Variants in L1CAM observed in about 807,000 individuals in gnomAD.
L1CAM encodes neural cell adhesion molecule L1.
L1CAM carries 8 observed loss-of-function variants against 93.0 expected under a neutral mutation model. The observed-to-expected ratio is 0.09, with a 90% CI of 0.05 to 0.16. The LOEUF (loss-of-function observed/expected upper bound fraction) is 0.16, where lower values mean the gene tolerates loss of function less well. Ranked by LOEUF, L1CAM falls within the 10% of genes least tolerant of loss-of-function variation. The pLI, the probability that L1CAM is intolerant of heterozygous loss-of-function variation, is 1.00. For missense variants in L1CAM, 777 were observed against 1,073.4 expected, an observed-to-expected ratio of 0.72 and a Z score of 3.86; for synonymous variants, 453 against 453.0, an observed-to-expected ratio of 1.00 and a Z score of 0.00.
At chrX:153,863,065 C>T (rs979064170) in intron 28 of L1CAM, among the ~76,000 whole-genome samples, 171 bp from the exon 29 acceptor site, 1 of 112,418 alleles carries the variant, frequency 8.9e-6, no homozygotes, top group Non-Finnish European at 1.9e-5. Flanking sequence ...TTGGGCATTC[C>T]CCAGATCCTG....
chrX:153,882,706 G>A (rs1031716751), intron 1 of L1CAM, among the ~76,000 whole-genome samples: 4 of 110,521 alleles, frequency 3.6e-5, no homozygotes, highest in Non-Finnish European at 7.6e-5. Context: ...CAAGTGCATG[G>A]AGCCCAGGAC....
At chrX:153,869,757 C>T (rs2064750249) in intron 10 of L1CAM, 46 bp downstream of exon 10, 2 of 1,208,298 alleles carry the variant, frequency 1.7e-6, no homozygotes, top group Non-Finnish European at 2.2e-6. Context: ...CCCCACAGCC[C>T]CCAGGGCTCG....
chrX:153,869,024 C>T lies in L1CAM; in HGVS notation c.1268-72G>A, dbSNP rs1045287452. On this transcript the variant is annotated intron_variant, in intron 11 of 28. Coordinates refer to ENST00000370060, the MANE Select transcript of L1CAM (RefSeq NM_001278116.2). ...AGCTGGGCCAGGAGCCAGGGACCCT[C>T]TGCACGGCTTCCTCGGGCCCCCAAG... 193 of 873,352 alleles carry T rather than the reference C, an allele frequency of 2.2e-4. 1 individual carries two copies. The South Asian group carries it at 3.7e-3, about 17-fold the overall frequency. The allele number at this position is 873,352 out of a possible 1,213,427, so 72.0% of individuals were successfully genotyped here.
Position 153,865,690 on chromosome X carries a change from C to G in L1CAM, c.2547+14G>C, listed in dbSNP as rs200768561. 4 of 1,158,867 alleles carry G rather than the reference C, an allele frequency of 3.5e-6. No homozygotes were observed. In the African/African-American group the frequency reaches 7.1e-5, roughly 21 times the overall value. On this transcript the variant is annotated intron_variant, in intron 20 of 28. Transcript: ENST00000370060. ...GTGATCACCCTCCTGGGCCCCCATG[C>G]CTTCAACCCTTACATTGTATCCGCG...
At chrX:153,869,296 C>T (rs987481146) in intron 11 of L1CAM, 13 of 475,051 alleles carry the variant, frequency 2.7e-5, no homozygotes, top group African/African-American at 2.6e-4. Flanking sequence ...TGTGGCACAG[C>T]GGTCCGCTCA....
At position 153,875,735 on chromosome X, in the gene L1CAM, C is replaced by A. The variant is rs1181699117; in HGVS notation, c.76+26G>T. On this transcript the variant is annotated intron_variant, in intron 2 of 28. Transcript: ENST00000370060. The stretch of plus-strand genomic sequence containing the variant: ...GGCCCAACATAGCGGCGAAGGTAGG[C>A]GCCCAGGCTCCCTTCAGCTACTCAC... The A allele has an allele frequency of 6.8e-6, 8 of 1,185,014 alleles. No homozygotes were observed. The African/African-American group carries it at 8.8e-5, about 13-fold the overall frequency.
intron 28 of L1CAM, 45 bp from the exon 29 acceptor site, chrX:153,862,939 C>G: frequency 9.6e-7 from 1 of 1,040,097 alleles, no homozygotes; most frequent in South Asian, 2.0e-5. Flanking sequence ...CTGCCGAGCC[C>G]CTGCAGGAGC....
chrX:153,884,058 C>T, intron 1 of L1CAM: 1 of 458,466 alleles, frequency 2.2e-6, no homozygotes, highest in Non-Finnish European at 3.6e-6. Context: ...TAGGAGCCCT[C>T]AGGCCAGGCC....
chrX:153,863,765 C>A, intron 26 of L1CAM, 118 bp downstream of exon 26: 1 of 1,040,555 alleles, frequency 9.6e-7, no homozygotes, highest in Non-Finnish European at 1.3e-6. Flanking sequence ...CCCCACCATG[C>A]GCCTGTCATC....
chrX:153,866,754 A>T lies in L1CAM; in HGVS notation c.2326T>A (p.Ser776Thr). 1 of 1,211,131 alleles carries T rather than the reference A, an allele frequency of 8.3e-7. No homozygotes were observed. The highest frequency in any genetic ancestry group is 1.1e-6 in the Non-Finnish European group (1 of 895,022). ...QIVSDPFLVV[S>T]NTSTFVPYEI... ...TAGGGCACGAAGGTGGACGTGTTGG[A>T]CACCACCAGGAAGGGGTCGCTGACA... The change falls in exon 19 of 29, where the codon TCC becomes ACC. Residue 776 changes from serine to threonine, a missense_variant. By Grantham distance (58) the Ser-to-Thr change is moderately conservative. This residue lies in a region of L1CAM where 574 missense variants were observed against 781.0 expected (regional missense o/e 0.73). Coordinates refer to ENST00000370060, the MANE Select transcript of L1CAM (RefSeq NM_001278116.2).
intron 1 of L1CAM, chrX:153,885,691 G>A: frequency 2.9e-6 from 1 of 341,879 alleles, no homozygotes; most frequent in Admixed American, 5.9e-5. Context: ...GGGAGCGCTC[G>A]ACCCGATCTG....
At chrX:153,870,331 C>G (rs2064756729) in intron 8 of L1CAM, 57 bp downstream of exon 8, 1 of 1,180,335 alleles carries the variant, frequency 8.5e-7, no homozygotes, top group African/African-American at 1.8e-5. Flanking sequence ...TCTGAGCTCC[C>G]TGCTAGGGCT....
Position 153,865,088 on chromosome X carries a change from G to T in L1CAM, c.2872C>A (p.Leu958Met), listed in dbSNP as rs35902890. The T allele has an allele frequency of 8.3e-7, 1 of 1,210,964 alleles. No individual in the cohort carries two copies. The highest frequency in any genetic ancestry group is 1.1e-6 in the Non-Finnish European group (1 of 895,339). Residue 958 changes from leucine to methionine, a missense_variant and splice_region_variant, in exon 22 of 29, where the codon CTG becomes ATG. Leu to Met is a conservative substitution (Grantham distance 15). Around this residue, in one of 5 missense-constraint regions of L1CAM, gnomAD observed 71 missense variants for 77.4 expected, o/e 0.92. Coordinates refer to ENST00000370060, the MANE Select transcript of L1CAM (RefSeq NM_001278116.2). ...LTGYVLSYHP[L>M]DEGGKGQLSF... ...TTCCCTGCTGGGGCGGCGCACGCAC[G>T]GGGGTGGTAGGAGAGCACGTAGCCG...
chrX:153,867,472 G>T lies in L1CAM; in HGVS notation c.2021C>A (p.Ser674Tyr). 1 of 1,210,008 alleles carries T rather than the reference G, an allele frequency of 8.3e-7. No homozygotes were observed. The highest frequency in any genetic ancestry group is 1.1e-6 in the Non-Finnish European group (1 of 893,562). ...ATAGGGCGACAGCTTGAGGGTGGTA[G>T]AGGTCTGGTTCCCTGGAACCTTGCC... ...SLGKVPGNQT[S>Y]TTLKLSPYVH... Residue 674 changes from serine (S) to tyrosine (Y), a missense_variant, in exon 17 of 29, where the codon TCT becomes TAT. Ser to Tyr is a moderately radical substitution (Grantham distance 144). This residue lies in a region of L1CAM where 574 missense variants were observed against 781.0 expected (regional missense o/e 0.73). Coordinates refer to ENST00000370060, the MANE Select transcript of L1CAM (RefSeq NM_001278116.2).
In L1CAM at chrX:153,867,068, C is replaced by A. The variant is rs2064720749; in HGVS notation, c.2194G>T (p.Val732Phe). 8.3e-7 allele frequency: 1 copy of A among 1,208,263 alleles called. No individual in the cohort carries two copies. The highest frequency in any genetic ancestry group is 2.2e-5 in the Admixed American group (1 of 45,789). Reference protein sequence around the residue: ...KGEGNETTNMVITWKPLRWMD... With the variant: ...KGEGNETTNMFITWKPLRWMD... ...GGGACTCTCACCTTCCACGTGATGA[C>A]CATATTGGTGGTCTCATTTCCTTCC... The change falls in exon 18 of 29, where the codon GTC becomes TTC. Residue 732 changes from valine to phenylalanine, a missense_variant. Physicochemically the swap from Val to Phe is conservative, Grantham distance 50 (BLOSUM62 -1). Around this residue, in one of 5 missense-constraint regions of L1CAM, gnomAD observed 574 missense variants for 781.0 expected, o/e 0.73. Transcript: ENST00000370060.
At chrX:153,863,809 C>T (rs1034533664) in intron 26 of L1CAM, 74 bp downstream of exon 26, 14 of 1,184,635 alleles carry the variant, frequency 1.2e-5, no homozygotes, top group Non-Finnish European at 1.6e-5. Context: ...GGAGGCCTTG[C>T]AGAAGGGTGG....
Position 153,868,968 on chromosome X carries a change from C to T in L1CAM, c.1268-16G>A. On this transcript the variant is annotated splice_polypyrimidine_tract_variant and intron_variant, in intron 11 of 28. Coordinates refer to ENST00000370060, the MANE Select transcript of L1CAM (RefSeq NM_001278116.2). ...GCTGGCAGCTCTAGGGGAGGAACAG[C>T]CTCAGGAGACAGGGCAGGACTTGGG... 8.6e-7 allele frequency: 1 copy of T among 1,162,233 alleles called. No homozygotes were observed.
intron 2 of L1CAM, among the ~76,000 whole-genome samples, chrX:153,873,487 A>C (rs1389239072): frequency 6.2e-5 from 7 of 112,243 alleles, no homozygotes; most frequent in Admixed American, 5.6e-4. Context: ...CTGGATAGAC[A>C]CACAGGGCAT....
At chrX:153,885,379 C>T in intron 1 of L1CAM, 1 of 982,697 alleles carries the variant, frequency 1.0e-6, no homozygotes, top group African/African-American at 2.0e-5. Context: ...TGGAAACGGG[C>T]TCCAGAGGCG....
Sources: allele counts gnomAD v4.1 joint callset (sites outside exome capture counted in the v4.1 genomes callset), GRCh38; gene constraint gnomAD v4.1.1; regional missense constraint gnomAD v4.1.1; transcripts MANE v1.5; gene names NCBI Gene and HGNC (gene_info 2026-07-23, HGNC 2026-07-21).